MDGA2: variants seen among roughly 807,000 people sequenced by gnomAD.
The protein encoded by MDGA2 is MAM domain containing glycosylphosphatidylinositol anchor 2.
Under a neutral mutation model 117.8 loss-of-function variants are expected in MDGA2, and 40 were observed. The ratio of observed to expected loss-of-function variants is 0.34; its 90% confidence interval spans 0.26 to 0.44. MDGA2 has a LOEUF of 0.44. MDGA2 is among the 20% of genes least tolerant of loss of function. MDGA2 has a pLI of 1.00. For missense variants in MDGA2, 1,123 were observed against 1,250.6 expected (o/e 0.90, Z 1.54); for synonymous variants, 452 against 439.0 (o/e 1.03, Z -0.37).
At chr14:47,189,021 T>C (rs1477530136) in intron 3 of MDGA2, among the ~76,000 whole-genome samples, 1 of 152,168 alleles carries the variant, frequency 6.6e-6, no homozygotes, top group East Asian at 1.9e-4. Flanking sequence ...AAGCAGTCCT[T>C]AGAAACAAGA....
chr14:47,470,188 C>T (rs1893693703), intron 1 of MDGA2, among the ~76,000 whole-genome samples: 1 of 151,534 alleles, frequency 6.6e-6, no homozygotes, highest in Non-Finnish European at 1.5e-5. Flanking sequence ...CATAGGTATA[C>T]ACGTGCCACG....
intron 8 of MDGA2, among the ~76,000 whole-genome samples, chr14:46,977,378 T>A (rs1460580253): frequency 6.6e-6 from 1 of 151,638 alleles, no homozygotes; most frequent in Non-Finnish European, 1.5e-5. Flanking sequence ...CTGACAAACA[T>A]TAATGCAAGA....
chr14:47,418,506 T>C (rs1249884114), intron 1 of MDGA2, among the ~76,000 whole-genome samples: 1 of 152,190 alleles, frequency 6.6e-6, no homozygotes, highest in Non-Finnish European at 1.5e-5. Context: ...TGTCCTCACT[T>C]AGTGGAAGTA....
chr14:46,931,526 T>TTTA (rs1884577318), intron 9 of MDGA2, among the ~76,000 whole-genome samples: 1 of 20,308 alleles, frequency 4.9e-5, no homozygotes, highest in Non-Finnish European at 8.6e-5. Context: ...TTATTTTTGC[T>TTTA]TTTTTTTTTT....
Position 47,265,184 on chromosome 14 carries a change from T to A in MDGA2, c.420+36227A>T, listed in dbSNP as rs1208558783. Among the ~76,000 whole-genome samples the A allele has an allele frequency of 2.6e-5, 4 of 152,304 alleles. No individual in the cohort carries two copies. In the East Asian group the frequency reaches 7.7e-4, roughly 29 times the overall value. On this transcript the variant is annotated intron_variant, in intron 2 of 16. Coordinates refer to ENST00000399232, the MANE Select transcript of MDGA2 (RefSeq NM_001113498.3). ...TGCACTGTACATCATTACATAGCAT[T>A]TCCATCATATGGATTCAGTAGACAT...
chr14:46,923,875 T>C (rs1460067032), intron 9 of MDGA2, among the ~76,000 whole-genome samples: 1 of 152,082 alleles, frequency 6.6e-6, no homozygotes, highest in Non-Finnish European at 1.5e-5. Context: ...ACATGACATC[T>C]ACTGGTTGAA....
chr14:46,872,891 C>A (rs993364594), intron 14 of MDGA2, among the ~76,000 whole-genome samples: 6 of 151,774 alleles, frequency 4.0e-5, no homozygotes, highest in African/African-American at 1.4e-4. Context: ...TATTACTGTA[C>A]AAGGTCTCAA....
intron 9 of MDGA2, among the ~76,000 whole-genome samples, chr14:46,931,525 C>CTTTTTTT (rs34478677): frequency 1.6e-5 from 2 of 128,922 alleles, no homozygotes; most frequent in African/African-American, 5.9e-5. Context: ...TTTATTTTTG[C>CTTTTTTT]TTTTTTTTTT....
intron 1 of MDGA2, among the ~76,000 whole-genome samples, chr14:47,413,025 G>A (rs986525124): frequency 3.3e-5 from 5 of 152,090 alleles, no homozygotes; most frequent in Admixed American, 3.3e-4. Context: ...GACCATTTTT[G>A]CTCTAGTCTA....
rs1305014316 is a variant in MDGA2, at chr14:47,260,519, GTTCTC to G, written c.420+40887_420+40891del. Among the ~76,000 whole-genome samples, 15 of 152,114 alleles carry G rather than the reference GTTCTC, an allele frequency of 9.9e-5. No homozygotes were observed. The East Asian group carries it at 2.3e-3, about 24-fold the overall frequency. On this transcript the variant is annotated intron_variant, in intron 2 of 16. Coordinates refer to ENST00000399232, the MANE Select transcript of MDGA2 (RefSeq NM_001113498.3). Reference sequence around the variant, plus strand: ...TTGAAAGGCTTTCTATAATGTACCTGTTCTCTTCTCAGTACCCACAGTGTAATTTT... The same window carrying G: ...TTGAAAGGCTTTCTATAATGTACCTGTTCTCAGTACCCACAGTGTAATTTT...
chr14:46,890,670 G>A (rs539896671), intron 10 of MDGA2, among the ~76,000 whole-genome samples: 1 of 152,120 alleles, frequency 6.6e-6, no homozygotes, highest in East Asian at 1.9e-4. Flanking sequence ...ATGTGAACTG[G>A]CTATGCAAGC....
chr14:47,289,199 A>G (rs1292923325), intron 2 of MDGA2, among the ~76,000 whole-genome samples: 2 of 151,796 alleles, frequency 1.3e-5, no homozygotes, highest in African/African-American at 4.8e-5. Context: ...AAAAGGATAA[A>G]TTGTGTTCAA....
chr14:47,434,175 C>T (rs1187766958), intron 1 of MDGA2, among the ~76,000 whole-genome samples: 2 of 151,920 alleles, frequency 1.3e-5, no homozygotes, highest in Non-Finnish European at 2.9e-5. Flanking sequence ...TGAATAGGTG[C>T]CCTTTTTTAT....
At chr14:47,645,943 G>A (rs1839835840) in intron 1 of MDGA2, among the ~76,000 whole-genome samples, 1 of 151,848 alleles carries the variant, frequency 6.6e-6, no homozygotes, top group Non-Finnish European at 1.5e-5. Context: ...AGCCGGGCGT[G>A]GTGGCAGGCT....
At chr14:47,422,254 T>A (rs1021403380) in intron 1 of MDGA2, among the ~76,000 whole-genome samples, 5 of 152,210 alleles carry the variant, frequency 3.3e-5, no homozygotes, top group African/African-American at 1.2e-4. Flanking sequence ...CTATGAGTGC[T>A]AATGTTGACT....
chr14:47,275,772 C>T (rs1888292444), intron 2 of MDGA2, among the ~76,000 whole-genome samples: 1 of 152,006 alleles, frequency 6.6e-6, no homozygotes, highest in Admixed American at 6.6e-5. Context: ...GTACATTGAA[C>T]TGAAGCAGAG....
chr14:46,993,467 CT>C (rs57817346), intron 8 of MDGA2, among the ~76,000 whole-genome samples: 16,557 of 146,672 alleles, frequency 0.11, 1,157 homozygotes, highest in Middle Eastern at 0.2. Context: ...TTGGGGGGGA[CT>C]TTTTTTTTTC....
At chr14:47,162,417 CT>C (rs1355639948) in intron 3 of MDGA2, among the ~76,000 whole-genome samples, 2 of 152,086 alleles carry the variant, frequency 1.3e-5, no homozygotes, top group Non-Finnish European at 2.9e-5. Context: ...GAGTTGCTGT[CT>C]TCTTCTTTAA....
intron 1 of MDGA2, among the ~76,000 whole-genome samples, chr14:47,501,198 ACTT>A (rs1566487480): frequency 1.3e-5 from 2 of 152,152 alleles, no homozygotes; most frequent in East Asian, 3.9e-4. Flanking sequence ...GGGTTACATG[ACTT>A]CTTAAGAAAT....
Sources: allele counts gnomAD v4.1 joint callset (sites outside exome capture counted in the v4.1 genomes callset), GRCh38; gene constraint gnomAD v4.1.1; transcripts MANE v1.5; gene names NCBI Gene and HGNC (gene_info 2026-07-23, HGNC 2026-07-21).